Variants in OSBPL8 observed in about 807,000 individuals in gnomAD.
OSBPL8 encodes oxysterol binding protein like 8.
A neutral mutation model predicts 125.5 loss-of-function variants in OSBPL8; 59 were observed. The observed-to-expected ratio is 0.47, with a 90% CI of 0.38 to 0.58. The LOEUF (loss-of-function observed/expected upper bound fraction) is 0.58, where lower values mean the gene tolerates loss of function less well. Ranked by LOEUF, OSBPL8 falls within the 20% of genes least tolerant of loss-of-function variation. The pLI is 0.00. For synonymous variants in OSBPL8, 330 were observed against 338.9 expected, an observed-to-expected ratio of 0.97 and a Z score of 0.29; for missense variants, 758 against 1,047.8, an observed-to-expected ratio of 0.72 and a Z score of 3.82.
At chr12:76,373,477 T>C in intron 17 of OSBPL8, 44 bp from the exon 18 acceptor site, 1 of 1,418,230 alleles carries the variant, frequency 7.1e-7, no homozygotes, top group Non-Finnish European at 9.8e-7. Flanking sequence ...TTCACTTATA[T>C]TTACATATAA....
rs1874508823 is a variant in OSBPL8, at chr12:76,459,922, A to C, written c.43-27T>G. The C allele has an allele frequency of 3.7e-6, 6 of 1,612,932 alleles. No homozygotes were observed. In the Admixed American group the frequency reaches 6.7e-5, roughly 18 times the overall value. ...TTTTAAGGCAGGGTAATTGAGCAGC[A>C]AACAAATACAGTCCAAATCAGGAAG... On this transcript the variant is annotated intron_variant, in intron 2 of 23. Transcript: ENST00000261183.
intron 16 of OSBPL8, among the ~76,000 whole-genome samples, chr12:76,376,814 T>C (rs1283522905): frequency 6.6e-6 from 1 of 152,072 alleles, no homozygotes; most frequent in African/African-American, 2.4e-5. Context: ...CTGGGATACA[T>C]GTGCAGAACG....
intron 21 of OSBPL8, among the ~76,000 whole-genome samples, chr12:76,365,786 G>A (rs573659593): frequency 2.0e-5 from 3 of 152,162 alleles, no homozygotes; most frequent in African/African-American, 7.2e-5. Flanking sequence ...AGATTTATGA[G>A]GTCTTTCTTT....
intron 2 of OSBPL8, among the ~76,000 whole-genome samples, chr12:76,477,733 T>C (rs1876980055): frequency 1.3e-5 from 2 of 152,130 alleles, no homozygotes; most frequent in East Asian, 1.9e-4. Context: ...ATCAATTATA[T>C]CACATGTACC....
chr12:76,377,273 C>A (rs769285048), intron 16 of OSBPL8, among the ~76,000 whole-genome samples: 1 of 152,062 alleles, frequency 6.6e-6, no homozygotes, highest in Non-Finnish European at 1.5e-5. Context: ...TAATGTATAA[C>A]CCTTTGGGTA....
At chr12:76,387,852 T>C (rs1047201869) in intron 12 of OSBPL8, among the ~76,000 whole-genome samples, 3 of 152,166 alleles carry the variant, frequency 2.0e-5, no homozygotes, top group Admixed American at 6.5e-5. Context: ...TAAATATATA[T>C]AGTTCAAAAG....
At chr12:76,545,939 C>T (rs4761336) in intron 1 of OSBPL8, among the ~76,000 whole-genome samples, 147,832 of 152,286 alleles carry the variant, frequency 0.97, 71,892 homozygotes, top group East Asian at 1. Context: ...AGTTGACCCT[C>T]GAATGACAAG....
rs921360438 is a variant in OSBPL8 at position 76,352,533 on chromosome 12, T to C, written c.*3356A>G. The C allele has an allele frequency of 1.3e-5, 2 of 152,574 alleles. No individual in the cohort carries two copies. Among genetic ancestry groups the C allele is most frequent in the Admixed American group, 6.5e-5 (1 of 15,274 alleles). The allele number at this position is 152,574 out of a possible 1,614,324, so 9.5% of individuals were successfully genotyped here. A position where few individuals can be genotyped will look rare whatever the true frequency, so the allele number is the denominator to read the frequency against. On this transcript the variant is annotated 3_prime_UTR_variant, in exon 24 of 24. Transcript: ENST00000261183. ...TCTCTTTCCACTTAGTCAAATAAGA[T>C]AGAAATTGAAATGTAAACTTACTGA...
chr12:76,372,065 C>A (rs181770825), intron 18 of OSBPL8, among the ~76,000 whole-genome samples: 1 of 152,142 alleles, frequency 6.6e-6, no homozygotes, highest in East Asian at 1.9e-4. Context: ...AAGACATGGA[C>A]GGTCTTGCTC....
At chr12:76,434,376 T>A (rs1345577277) in intron 4 of OSBPL8, among the ~76,000 whole-genome samples, 1 of 152,040 alleles carries the variant, frequency 6.6e-6, no homozygotes, top group Non-Finnish European at 1.5e-5. Flanking sequence ...AAGACTTAAA[T>A]GTAAGAGCTC....
At chr12:76,531,568 T>C (rs930302221) in intron 1 of OSBPL8, among the ~76,000 whole-genome samples, 2 of 151,980 alleles carry the variant, frequency 1.3e-5, no homozygotes, top group African/African-American at 4.8e-5. Context: ...ATGTGAAGAG[T>C]ACTGTGTATA....
chr12:76,544,767 T>C (rs1275756555), intron 1 of OSBPL8, among the ~76,000 whole-genome samples: 5 of 151,878 alleles, frequency 3.3e-5, no homozygotes, highest in African/African-American at 1.2e-4. Flanking sequence ...TAGAGTGAAA[T>C]AGGCGAAGGT....
chr12:76,446,329 T>A (rs1236422516), intron 4 of OSBPL8, among the ~76,000 whole-genome samples: 1 of 152,158 alleles, frequency 6.6e-6, no homozygotes, highest in Non-Finnish European at 1.5e-5. Context: ...TAACAGATAA[T>A]CTTATTTCAA....
At chr12:76,483,799 C>T (rs950669423) in intron 2 of OSBPL8, among the ~76,000 whole-genome samples, 3 of 149,424 alleles carry the variant, frequency 2.0e-5, no homozygotes, top group South Asian at 2.2e-4. Flanking sequence ...CTCAGCCTCC[C>T]GGGTAGCTGG....
At chr12:76,432,959 T>A (rs1373058466) in intron 4 of OSBPL8, among the ~76,000 whole-genome samples, 1 of 152,034 alleles carries the variant, frequency 6.6e-6, no homozygotes, top group African/African-American at 2.4e-5. Context: ...AATCAATCAA[T>A]GGGATGAAAG....
At chr12:76,413,790 C>T (rs1565877328) in intron 4 of OSBPL8, among the ~76,000 whole-genome samples, 2 of 151,768 alleles carry the variant, frequency 1.3e-5, no homozygotes, top group Admixed American at 6.6e-5. Flanking sequence ...AAAAAAAAAT[C>T]GTCTATCTTT....
chr12:76,534,411 C>T (rs1258933627), intron 1 of OSBPL8: 2 of 152,164 alleles, frequency 1.3e-5, no homozygotes, highest in East Asian at 1.9e-4. Flanking sequence ...TTTGTTGCTG[C>T]AACCCCAATT....
At chr12:76,386,927 A>T (rs767018200) in intron 12 of OSBPL8, among the ~76,000 whole-genome samples, 1 of 152,168 alleles carries the variant, frequency 6.6e-6, no homozygotes, top group Non-Finnish European at 1.5e-5. Flanking sequence ...CTCCAAACCA[A>T]GGTTTCTGAA....
At chr12:76,471,977 A>C (rs1383503739) in intron 2 of OSBPL8, among the ~76,000 whole-genome samples, 1 of 152,200 alleles carries the variant, frequency 6.6e-6, no homozygotes. Flanking sequence ...CCACTCAAAT[A>C]ACTGACTCTT....
Sources: allele counts gnomAD v4.1 joint callset (sites outside exome capture counted in the v4.1 genomes callset), GRCh38; gene constraint gnomAD v4.1.1; transcripts MANE v1.5; gene names NCBI Gene and HGNC (gene_info 2026-07-23, HGNC 2026-07-21).